Variants in CNTN4 observed in about 807,000 individuals in gnomAD.
CNTN4 encodes the protein contactin 4.
A neutral mutation model predicts 122.5 loss-of-function variants in CNTN4; 77 were observed. The ratio of observed to expected loss-of-function variants is 0.63; its 90% CI spans 0.52 to 0.76. The LOEUF is 0.76. CNTN4 is among the 30% of genes least tolerant of loss of function. The probability of loss-of-function intolerance (pLI) is 0.00; values close to 1 mark genes in which losing one functional copy is unlikely to be tolerated. For missense variants in CNTN4, 1,256 were observed against 1,259.1 expected, an observed-to-expected ratio of 1.00 and a Z score of 0.04; for synonymous variants, 512 against 447.0, an observed-to-expected ratio of 1.15 and a Z score of -1.83.
intron 4 of CNTN4, among the ~76,000 whole-genome samples, chr3:2,694,488 A>G (rs1516387): frequency 0.62 from 94,725 of 152,042 alleles, 30,392 homozygotes; most frequent in East Asian, 0.8. Flanking sequence ...CGCACCTGTA[A>G]TTTCAGGACT....
chr3:2,109,832 G>T (rs1222028985), intron 2 of CNTN4, among the ~76,000 whole-genome samples: 1 of 152,166 alleles, frequency 6.6e-6, no homozygotes, highest in East Asian at 1.9e-4. Context: ...ACTCCTTACA[G>T]ATTAGTGAAT....
intron 3 of CNTN4, among the ~76,000 whole-genome samples, chr3:2,470,616 G>A (rs1046853808): frequency 6.6e-6 from 1 of 151,998 alleles, no homozygotes; most frequent in African/African-American, 2.4e-5. Flanking sequence ...ACCATGAGAG[G>A]CCAACAGACA....
At chr3:2,917,715 C>G (rs541902801) in intron 12 of CNTN4, among the ~76,000 whole-genome samples, 2 of 152,300 alleles carry the variant, frequency 1.3e-5, no homozygotes, top group East Asian at 3.9e-4. Flanking sequence ...CTTTCTAGAT[C>G]CCTTTCTTAC....
At chr3:2,957,558 C>T (rs443269) in intron 13 of CNTN4, among the ~76,000 whole-genome samples, 99,493 of 151,912 alleles carry the variant, frequency 0.65, 32,706 homozygotes, top group South Asian at 0.78. Context: ...GTGAGCATAG[C>T]ACCTAATAGG....
chr3:2,142,701 C>G (rs558474962), intron 2 of CNTN4, among the ~76,000 whole-genome samples: 4 of 152,152 alleles, frequency 2.6e-5, no homozygotes, highest in Non-Finnish European at 5.9e-5. Flanking sequence ...AGTTAACAAA[C>G]TACTACAGCT....
chr3:2,984,711 A>T (rs780251371), intron 13 of CNTN4, among the ~76,000 whole-genome samples: 1 of 152,152 alleles, frequency 6.6e-6, no homozygotes, highest in Non-Finnish European at 1.5e-5. Flanking sequence ...AATGATCGTG[A>T]TACTGTTTTT....
chr3:3,039,478 A>G, intron 19 of CNTN4: 1 of 177,796 alleles, frequency 5.6e-6, no homozygotes, highest in East Asian at 1.4e-4. Context: ...ATTGGCTTTG[A>G]GAGAAGAGGT....
chr3:2,873,692 G>C (rs1388757895), intron 8 of CNTN4, among the ~76,000 whole-genome samples: 1 of 152,152 alleles, frequency 6.6e-6, no homozygotes, highest in Non-Finnish European at 1.5e-5. Context: ...TTTTCTTCAT[G>C]AAAAGGGAGC....
At chr3:2,512,828 C>T (rs1161674767) in intron 3 of CNTN4, among the ~76,000 whole-genome samples, 1 of 152,118 alleles carries the variant, frequency 6.6e-6, no homozygotes, top group East Asian at 1.9e-4. Context: ...AATACAGTTT[C>T]CCTGAGTAGG....
intron 2 of CNTN4, among the ~76,000 whole-genome samples, chr3:2,291,410 A>G (rs994458106): frequency 8.5e-5 from 13 of 152,202 alleles, no homozygotes; most frequent in African/African-American, 3.1e-4. Flanking sequence ...ATGCAATTAG[A>G]CTAGCAGAGT....
intron 3 of CNTN4, among the ~76,000 whole-genome samples, chr3:2,381,881 T>C (rs2046037000): frequency 6.6e-6 from 1 of 152,108 alleles, no homozygotes; most frequent in African/African-American, 2.4e-5. Context: ...TCTATGAAGG[T>C]GCAAGGTTCT....
chr3:2,259,822 G>T (rs988999712), intron 2 of CNTN4, among the ~76,000 whole-genome samples: 1 of 152,150 alleles, frequency 6.6e-6, no homozygotes, highest in African/African-American at 2.4e-5. Flanking sequence ...TCGTGAGTGA[G>T]CATCAGACCT....
chr3:3,030,257 T>C (rs183544572), intron 15 of CNTN4, among the ~76,000 whole-genome samples: 4 of 152,262 alleles, frequency 2.6e-5, no homozygotes. Context: ...AGGATGTAAT[T>C]AGTCCCATTC....
In CNTN4 at chr3:2,550,213, A is replaced by G. The variant is rs577047759; in HGVS notation, c.-88-21203A>G. ...ATCTATCTTTTTCAGTTCTGCTCTG[A>G]TCTTAGGTATACCTTGTCTTCTGCT... On this transcript the variant is annotated intron_variant, in intron 3 of 24. Coordinates refer to ENST00000418658, the MANE Select transcript of CNTN4 (RefSeq NM_175607.3). Among the ~76,000 whole-genome samples, 21 of 152,090 alleles carry G rather than the reference A, an allele frequency of 1.4e-4. No individual in the cohort carries two copies. The South Asian group carries it at 4.4e-3, about 32-fold the overall frequency.
rs750450565 is a variant in CNTN4, at chr3:2,902,905, C to G, written c.1107C>G (p.Leu369=). ...RDRIQIEQGT[L]NITIVNLSDA... is the part of the protein sequence containing the mutation. ...GAATTCAAATTGAGCAAGGAACACT[C>G]AACATAACAATAGTGAACCTCTCAG... Residue 369 remains leucine, a synonymous_variant, in exon 12 of 25, where the codon CTC becomes CTG. Coordinates refer to ENST00000418658, the MANE Select transcript of CNTN4 (RefSeq NM_175607.3). The G allele has an allele frequency of 6.2e-7, 1 of 1,613,614 alleles. No individual in the cohort carries two copies. The highest frequency in any genetic ancestry group is 8.5e-7 in the Non-Finnish European group (1 of 1,179,768).
intron 3 of CNTN4, among the ~76,000 whole-genome samples, chr3:2,376,990 T>C (rs2045843395): frequency 6.6e-6 from 1 of 152,080 alleles, no homozygotes; most frequent in Non-Finnish European, 1.5e-5. Context: ...ACTCCGTCTC[T>C]ACTAAAAATA....
chr3:2,788,167 T>C (rs1430892341), intron 6 of CNTN4, among the ~76,000 whole-genome samples: 1 of 152,180 alleles, frequency 6.6e-6, no homozygotes, highest in African/African-American at 2.4e-5. Context: ...CTAATGTGTA[T>C]TGGGTACTTA....
chr3:2,125,330 CTGTG>C (rs397721422), intron 2 of CNTN4, among the ~76,000 whole-genome samples: 1,669 of 143,314 alleles, frequency 0.012, 11 homozygotes, highest in Middle Eastern at 0.05. Context: ...ATTCTATTCT[CTGTG>C]TGTGTGTGTG....
chr3:2,240,510 C>T (rs975875016), intron 2 of CNTN4, among the ~76,000 whole-genome samples: 1 of 152,070 alleles, frequency 6.6e-6, no homozygotes, highest in African/African-American at 2.4e-5. Flanking sequence ...CACTAGATTT[C>T]TCAAACTTTG....
Sources: allele counts gnomAD v4.1 joint callset (sites outside exome capture counted in the v4.1 genomes callset), GRCh38; gene constraint gnomAD v4.1.1; transcripts MANE v1.5; gene names NCBI Gene and HGNC (gene_info 2026-07-23, HGNC 2026-07-21).